Variants in KCNJ6 observed in about 807,000 individuals in gnomAD.
The protein encoded by KCNJ6 is potassium inwardly rectifying channel subfamily J member 6, also known as G protein-activated inward rectifier potassium channel 2.
A neutral mutation model predicts 34.2 loss-of-function variants in KCNJ6; 9 were observed. The observed-to-expected ratio is 0.26, with a 90% CI of 0.16 to 0.46. KCNJ6 has a LOEUF of 0.46. Ranked by LOEUF, KCNJ6 falls within the 20% of genes least tolerant of loss-of-function variation. The probability of loss-of-function intolerance (pLI) is 1.00; values close to 1 mark genes in which losing one functional copy is unlikely to be tolerated. For missense variants in KCNJ6, 236 were observed against 531.3 expected (o/e 0.44, Z 5.46); for synonymous variants, 196 against 207.1 (o/e 0.95, Z 0.46).
chr21:37,667,691 C>T (rs909889479), intron 3 of KCNJ6, among the ~76,000 whole-genome samples: 23 of 151,674 alleles, frequency 1.5e-4, no homozygotes, highest in East Asian at 3.9e-4. Flanking sequence ...GCTCCGGGGT[C>T]GGCACTGCAG....
intron 3 of KCNJ6, among the ~76,000 whole-genome samples, chr21:37,680,668 C>G (rs2054586771): frequency 6.6e-6 from 1 of 152,198 alleles, no homozygotes; most frequent in Admixed American, 6.5e-5. Flanking sequence ...ACAGCTGGGA[C>G]ACTGGTCTTC....
chr21:37,802,640 G>C (rs1020788168), intron 2 of KCNJ6, among the ~76,000 whole-genome samples: 1 of 152,176 alleles, frequency 6.6e-6, no homozygotes, highest in African/African-American at 2.4e-5. Context: ...GCCAACCCAT[G>C]TTAGACTTCT....
At chr21:37,660,637 C>T (rs80092628) in intron 3 of KCNJ6, among the ~76,000 whole-genome samples, 29 of 152,304 alleles carry the variant, frequency 1.9e-4, no homozygotes, top group Middle Eastern at 3.4e-3. Context: ...ACCTCACTGG[C>T]GTACCTGTGT....
At chr21:37,766,556 G>A (rs566692971) in intron 2 of KCNJ6, among the ~76,000 whole-genome samples, 9 of 152,310 alleles carry the variant, frequency 5.9e-5, no homozygotes, top group Middle Eastern at 3.4e-3. Context: ...GAAATCCCCC[G>A]AGGGTTCTAA....
chr21:37,794,337 C>T (rs149845452), intron 2 of KCNJ6, among the ~76,000 whole-genome samples: 90 of 152,296 alleles, frequency 5.9e-4, no homozygotes, highest in Middle Eastern at 3.4e-3. Flanking sequence ...AGCTGTCTAA[C>T]CTTGAGACAA....
intron 2 of KCNJ6, among the ~76,000 whole-genome samples, chr21:37,751,587 C>G (rs989451623): frequency 6.6e-6 from 1 of 152,260 alleles, no homozygotes; most frequent in Non-Finnish European, 1.5e-5. Context: ...GTAAGAAACT[C>G]AGTTGTCCCG....
Position 37,612,723 on chromosome 21 carries a change from GCAAAA to G in KCNJ6, c.*12431_*12435del, listed in dbSNP as rs1569428788. On this transcript the variant is annotated 3_prime_UTR_variant, in exon 4 of 4. Coordinates refer to ENST00000609713, the MANE Select transcript of KCNJ6 (RefSeq NM_002240.5). ...TAGCTGCACATTTGCACATCCACAG[GCAAAA>G]AAAAAAAAAAAAAAAAGAGTCTAAA... is the stretch of plus-strand genomic sequence containing the variant. 2 of 49,932 alleles carry G rather than the reference GCAAAA, an allele frequency of 4.0e-5. No individual in the cohort carries two copies. Among genetic ancestry groups the G allele is most frequent in the Non-Finnish European group, 3.3e-5 (1 of 30,696 alleles). 3.1% of individuals were successfully genotyped at this position (49,932 alleles called of 1,614,324 possible).
chr21:37,865,087 T>C (rs2055615893), intron 1 of KCNJ6, among the ~76,000 whole-genome samples: 1 of 152,162 alleles, frequency 6.6e-6, no homozygotes. Flanking sequence ...AGATCCCAAG[T>C]ACCTCCAGGA....
intron 1 of KCNJ6, among the ~76,000 whole-genome samples, chr21:37,886,605 C>G (rs1384074837): frequency 6.6e-6 from 1 of 152,198 alleles, no homozygotes; most frequent in African/African-American, 2.4e-5. Context: ...ATATAGGCTA[C>G]TTTTAAGTAT....
rs76221584 is a variant in KCNJ6, at chr21:37,762,916, A to G, written c.26-47785T>C. ...AATGGGCAGCCCGGGGGTAAGAATC[A>G]GCGACTGAGAATAACGATGTTCCAA... On this transcript the variant is annotated intron_variant, in intron 2 of 3. Coordinates refer to ENST00000609713, the MANE Select transcript of KCNJ6 (RefSeq NM_002240.5). Among the ~76,000 whole-genome samples, 16 of 152,306 alleles carry G rather than the reference A, an allele frequency of 1.1e-4. No individual in the cohort carries two copies. The East Asian group carries it at 3.1e-3, about 29-fold the overall frequency.
chr21:37,881,050 T>C (rs1345173590), intron 1 of KCNJ6, among the ~76,000 whole-genome samples: 4 of 152,118 alleles, frequency 2.6e-5, no homozygotes, highest in African/African-American at 9.7e-5. Flanking sequence ...CATGACAACT[T>C]GAGCTGATGC....
At chr21:37,810,134 C>A (rs770648204) in intron 2 of KCNJ6, among the ~76,000 whole-genome samples, 13 of 152,316 alleles carry the variant, frequency 8.5e-5, no homozygotes, top group Middle Eastern at 3.4e-3. Flanking sequence ...TGCATGCACA[C>A]ACACACACAA....
At chr21:37,672,358 A>G (rs972119029) in intron 3 of KCNJ6, among the ~76,000 whole-genome samples, 4 of 151,950 alleles carry the variant, frequency 2.6e-5, no homozygotes, top group African/African-American at 9.7e-5. Flanking sequence ...CACTTCTGCT[A>G]CCATGAAAGA....
chr21:37,708,512 A>T (rs2054732950), intron 3 of KCNJ6, among the ~76,000 whole-genome samples: 1 of 152,232 alleles, frequency 6.6e-6, no homozygotes, highest in Admixed American at 6.5e-5. Context: ...GCTCAAAAAG[A>T]AAGGAGAGCT....
intron 2 of KCNJ6, among the ~76,000 whole-genome samples, chr21:37,762,613 C>T (rs991950923): frequency 4.6e-5 from 7 of 152,210 alleles, no homozygotes; most frequent in South Asian, 2.1e-4. Context: ...ATGTTACCAA[C>T]GCCCACAGCT....
intron 1 of KCNJ6, among the ~76,000 whole-genome samples, chr21:37,913,899 A>G (rs2055879317): frequency 6.6e-6 from 1 of 152,080 alleles, no homozygotes; most frequent in East Asian, 1.9e-4. Context: ...TCTGCCATCT[A>G]TGCCCAACAA....
intron 2 of KCNJ6, among the ~76,000 whole-genome samples, chr21:37,829,272 G>A (rs1466489759): frequency 6.6e-6 from 1 of 152,192 alleles, no homozygotes; most frequent in Non-Finnish European, 1.5e-5. Context: ...GGTGGCAGTT[G>A]GTGGGAGGCG....
intron 3 of KCNJ6, among the ~76,000 whole-genome samples, chr21:37,703,618 C>T (rs2054703339): frequency 6.6e-6 from 1 of 152,164 alleles, no homozygotes; most frequent in South Asian, 2.1e-4. Flanking sequence ...AGACATATGA[C>T]AGGTACCCCC....
At chr21:37,626,130 C>CTTTTTTTT (rs10649366) in intron 3 of KCNJ6, among the ~76,000 whole-genome samples, 6 of 143,040 alleles carry the variant, frequency 4.2e-5, no homozygotes, top group Admixed American at 7.0e-5. Flanking sequence ...TTTCCCCCTT[C>CTTTTTTTT]TTTTTTTTTT....
Sources: allele counts gnomAD v4.1 joint callset (sites outside exome capture counted in the v4.1 genomes callset), GRCh38; gene constraint gnomAD v4.1.1; transcripts MANE v1.5; gene names NCBI Gene and HGNC (gene_info 2026-07-23, HGNC 2026-07-21).